AGBL1: variants seen among roughly 807,000 people sequenced by gnomAD.
The protein encoded by AGBL1 is AGBL carboxypeptidase 1.
In AGBL1, 130 loss-of-function variants were observed where a neutral mutation model predicts 118.9. The ratio of observed to expected loss-of-function variants is 1.09; its 90% CI spans 0.95 to 1.26. The LOEUF is 1.26. Among genes scored for constraint, AGBL1 ranks in the 50% most tolerant of loss-of-function variants. The pLI is 0.00. For synonymous variants in AGBL1, 555 were observed against 478.9 expected, an observed-to-expected ratio of 1.16 and a Z score of -2.08; for missense variants, 1,584 against 1,298.1, an observed-to-expected ratio of 1.22 and a Z score of -3.38.
At chr15:86,658,058 C>T (rs1006189385) in intron 21 of AGBL1, among the ~76,000 whole-genome samples, 9 of 151,466 alleles carry the variant, frequency 5.9e-5, no homozygotes, top group African/African-American at 2.2e-4. Context: ...ATTGTATATG[C>T]ATATATATAT....
At chr15:86,458,142 A>G (rs1222574422) in intron 18 of AGBL1, among the ~76,000 whole-genome samples, 1 of 152,212 alleles carries the variant, frequency 6.6e-6, no homozygotes, top group Non-Finnish European at 1.5e-5. Flanking sequence ...AATGAGGTCA[A>G]CTACTATGAC....
At chr15:86,309,596 T>C (rs1203340278) in intron 17 of AGBL1, among the ~76,000 whole-genome samples, 7 of 152,210 alleles carry the variant, frequency 4.6e-5, no homozygotes, top group Non-Finnish European at 8.8e-5. Flanking sequence ...AACTAATTTA[T>C]TGAGAGTTGT....
intron 1 of AGBL1, among the ~76,000 whole-genome samples, chr15:86,136,891 G>A (rs1277096675): frequency 6.6e-6 from 1 of 152,188 alleles, no homozygotes; most frequent in Non-Finnish European, 1.5e-5. Flanking sequence ...GAAAGACACT[G>A]TTCTTCCAAC....
At chr15:86,647,031 C>G (rs1358972883) in intron 21 of AGBL1, among the ~76,000 whole-genome samples, 2 of 152,002 alleles carry the variant, frequency 1.3e-5, no homozygotes, top group Non-Finnish European at 2.9e-5. Flanking sequence ...GTGATCTTCT[C>G]TAGCTCACAT....
intron 17 of AGBL1, among the ~76,000 whole-genome samples, chr15:86,341,078 A>G (rs758498167): frequency 4.9e-4 from 75 of 152,170 alleles, no homozygotes; most frequent in Non-Finnish European, 9.6e-4. Flanking sequence ...TCTCACATGC[A>G]AAGTCCAGGT....
intron 22 of AGBL1, among the ~76,000 whole-genome samples, chr15:86,752,716 A>G (rs894446909): frequency 6.6e-6 from 1 of 152,126 alleles, no homozygotes; most frequent in Non-Finnish European, 1.5e-5. Context: ...CCTCCAAAGA[A>G]TAGATACCTT....
intron 21 of AGBL1, among the ~76,000 whole-genome samples, chr15:86,571,079 C>T (rs1349068916): frequency 6.6e-6 from 1 of 152,142 alleles, no homozygotes; most frequent in African/African-American, 2.4e-5. Context: ...TGTGGCTGGA[C>T]CGGCTACACC....
chr15:86,994,262 C>G (rs1176028670), intron 24 of AGBL1, among the ~76,000 whole-genome samples: 5 of 152,052 alleles, frequency 3.3e-5, no homozygotes, highest in African/African-American at 1.2e-4. Flanking sequence ...CTGATTTTCA[C>G]TTGAACAACT....
At chr15:86,357,764 C>CTT (rs2080743582) in intron 17 of AGBL1, among the ~76,000 whole-genome samples, 1 of 152,092 alleles carries the variant, frequency 6.6e-6, no homozygotes, top group South Asian at 2.1e-4. Flanking sequence ...CAATCTGAAT[C>CTT]TTTCCATGAA....
At chr15:87,026,809 A>G (rs2081731905) in intron 24 of AGBL1, among the ~76,000 whole-genome samples, 1 of 152,120 alleles carries the variant, frequency 6.6e-6, no homozygotes, top group East Asian at 1.9e-4. Flanking sequence ...CTCAGCCATA[A>G]AAAGGAATGA....
intron 21 of AGBL1, among the ~76,000 whole-genome samples, chr15:86,566,601 C>T (rs998639640): frequency 1.3e-5 from 2 of 152,068 alleles, no homozygotes; most frequent in Non-Finnish European, 2.9e-5. Flanking sequence ...CTCCTTGTCT[C>T]ATCAGAGAAC....
chr15:86,518,693 C>T (rs961071854), intron 18 of AGBL1, among the ~76,000 whole-genome samples: 3 of 151,998 alleles, frequency 2.0e-5, no homozygotes, highest in African/African-American at 7.2e-5. Context: ...ATAAGGATGC[C>T]TGACCCTCAG....
chr15:86,940,054 G>A (rs1380716041), intron 23 of AGBL1, among the ~76,000 whole-genome samples: 1 of 132,724 alleles, frequency 7.5e-6, no homozygotes, highest in Non-Finnish European at 1.6e-5. Flanking sequence ...GCTAATTTTG[G>A]TAGTCCTTTT....
intron 20 of AGBL1, among the ~76,000 whole-genome samples, 152 bp downstream of exon 20, chr15:86,546,285 G>A (rs2083580902): frequency 6.6e-6 from 1 of 150,626 alleles, no homozygotes; most frequent in African/African-American, 2.5e-5. Context: ...AATACAAGCA[G>A]GCTGGAAGCA....
chr15:86,917,568 A>T (rs961155021), downstream of AGBL1, among the ~76,000 whole-genome samples: 5 of 152,202 alleles, frequency 3.3e-5, no homozygotes, highest in Non-Finnish European at 5.9e-5. This position sits in a 1 kb window ranked among gnomAD's most constrained non-coding sequence, Gnocchi z 4.8. Context: ...GGGCAAGTAA[A>T]CATATGCGGA....
intron 17 of AGBL1, among the ~76,000 whole-genome samples, chr15:86,356,070 T>G (rs2080712356): frequency 6.6e-6 from 1 of 152,174 alleles, no homozygotes; most frequent in Non-Finnish European, 1.5e-5. Flanking sequence ...TTCTGCGTTT[T>G]AAATCTGAGT....
chr15:86,688,926 C>T (rs1457648524), intron 22 of AGBL1, among the ~76,000 whole-genome samples: 1 of 152,096 alleles, frequency 6.6e-6, no homozygotes, highest in Non-Finnish European at 1.5e-5. Context: ...AAATATTAGC[C>T]TGCATTTTTA....
chr15:86,434,948 C>G (rs1379453651), intron 18 of AGBL1, among the ~76,000 whole-genome samples: 1 of 152,180 alleles, frequency 6.6e-6, no homozygotes, highest in East Asian at 1.9e-4. Context: ...ATAGCCGCAG[C>G]AATTACTAAA....
At chr15:86,958,221 A>AG (rs200192870) in intron 23 of AGBL1, among the ~76,000 whole-genome samples, 1,544 of 151,344 alleles carry the variant, frequency 0.01, 27 homozygotes, top group African/African-American at 0.036. Flanking sequence ...AAAAAAAAAA[A>AG]AAAGAAAAGA....
Sources: gnomAD v4.1 joint callset for allele counts (sites outside exome capture counted in the v4.1 genomes callset) on GRCh38, gnomAD v4.1.1 for gene constraint, Gnocchi (gnomAD v3.1) non-coding constraint, MANE v1.5 for transcripts, NCBI Gene and HGNC (gene_info 2026-07-23, HGNC 2026-07-21) for gene names.